Variants in ST6GAL1 observed in about 807,000 individuals in gnomAD.
The protein encoded by ST6GAL1 is beta-galactoside alpha-2,6-sialyltransferase 1.
A neutral mutation model predicts 38.0 loss-of-function variants in ST6GAL1; 20 were observed. That is an observed-to-expected ratio of 0.53 (90% CI 0.37 to 0.77). ST6GAL1 has a LOEUF of 0.77. ST6GAL1 is among the 30% of genes least tolerant of loss of function. The probability of loss-of-function intolerance (pLI) is 0.00; values close to 1 mark genes in which losing one functional copy is unlikely to be tolerated. For missense variants in ST6GAL1, 432 were observed against 496.4 expected, an observed-to-expected ratio of 0.87 and a Z score of 1.23; for synonymous variants, 196 against 188.2, an observed-to-expected ratio of 1.04 and a Z score of -0.34.
intron 5 of ST6GAL1, among the ~76,000 whole-genome samples, chr3:187,061,607 G>A (rs867979707): frequency 9.2e-5 from 14 of 152,054 alleles, no homozygotes; most frequent in African/African-American, 2.2e-4. Context: ...TGTCAGGATC[G>A]TTCAATGAGG....
chr3:186,937,339 A>G (rs1713998162), intron 1 of ST6GAL1, among the ~76,000 whole-genome samples: 2 of 151,998 alleles, frequency 1.3e-5, no homozygotes, highest in African/African-American at 4.8e-5. Flanking sequence ...CTTTCCCACC[A>G]TTGCCTCAGG....
At chr3:187,072,145 C>G (rs1011899955) in intron 5 of ST6GAL1, 1 of 152,474 alleles carries the variant, frequency 6.6e-6, no homozygotes, top group African/African-American at 2.4e-5. Context: ...AGCCCAGGAG[C>G]CAGTGTGGTG....
At chr3:187,002,166 T>C (rs1469627998) in intron 2 of ST6GAL1, among the ~76,000 whole-genome samples, 1 of 152,160 alleles carries the variant, frequency 6.6e-6, no homozygotes, top group Non-Finnish European at 1.5e-5. Flanking sequence ...AACATTTTCG[T>C]GTGTCTGAAG....
intron 2 of ST6GAL1, among the ~76,000 whole-genome samples, chr3:187,019,394 G>T (rs536714362): frequency 6.6e-6 from 1 of 152,304 alleles, no homozygotes; most frequent in Admixed American, 6.5e-5. Flanking sequence ...ATAAACTCAC[G>T]TCTTAACCAT....
chr3:187,074,761 T>A (rs1719505936), intron 7 of ST6GAL1, among the ~76,000 whole-genome samples: 1 of 152,012 alleles, frequency 6.6e-6, no homozygotes, highest in South Asian at 2.1e-4. Flanking sequence ...GGAGCGGGGC[T>A]GCACCTCAGA....
At chr3:187,021,812 GTC>G (rs1717315091) in intron 2 of ST6GAL1, 1 of 151,018 alleles carries the variant, frequency 6.6e-6, no homozygotes, top group Admixed American at 6.6e-5. Flanking sequence ...AAATGCTGAC[GTC>G]AAGGAAGCTT....
intron 5 of ST6GAL1, among the ~76,000 whole-genome samples, chr3:187,066,601 C>CGTGTGTGTGTGTGTGT (rs3055152): frequency 2.0e-5 from 3 of 148,730 alleles, no homozygotes; most frequent in Non-Finnish European, 4.5e-5. Context: ...TGCGTGCGTG[C>CGTGTGTGTGTGTGTGT]GTGTGTGTGT....
chr3:186,960,873 G>A (rs1025035499), intron 1 of ST6GAL1, among the ~76,000 whole-genome samples: 1 of 151,530 alleles, frequency 6.6e-6, no homozygotes, highest in Admixed American at 6.6e-5. Context: ...GGGCCTGCAT[G>A]GTGTCCTGTC....
At chr3:186,995,695 T>C (rs544082505) in intron 2 of ST6GAL1, among the ~76,000 whole-genome samples, 1 of 151,452 alleles carries the variant, frequency 6.6e-6, no homozygotes. Context: ...CATACAAAAA[T>C]TAGCCGGGTA....
Position 187,042,591 on chromosome 3 carries a change from C to A in ST6GAL1, c.-50-63C>A. 4 of 1,440,110 alleles carry A rather than the reference C, an allele frequency of 2.8e-6. No homozygotes were observed. In the South Asian group the frequency reaches 5.6e-5, roughly 20 times the overall value. 89.2% of individuals were successfully genotyped at this position (1,440,110 alleles called of 1,614,324 possible). On this transcript the variant is annotated intron_variant, in intron 3 of 7. Transcript: ENST00000169298. ...AAATCTATTGCTCAGTCCATCGCTC[C>A]GCCTCATGCCACATTGGGTTTTTCT...
intron 4 of ST6GAL1, among the ~76,000 whole-genome samples, chr3:187,048,796 G>A (rs983485401): frequency 2.6e-5 from 4 of 151,372 alleles, no homozygotes; most frequent in Non-Finnish European, 4.4e-5. Context: ...TCTAACCTAA[G>A]CCTTCTGTGC....
At position 187,075,361 on chromosome 3, in the gene ST6GAL1, A is replaced by ACC. The variant is rs1719524425; in HGVS notation, c.980-199_980-198dup. On this transcript the variant is annotated intron_variant, in intron 7 of 7. Transcript: ENST00000169298. The surrounding 1 kb of genome is among the most constrained non-coding windows in gnomAD (Gnocchi z 4.1). The stretch of plus-strand genomic sequence containing the variant: ...GGTGCTGGGGATTCAAAGGTGTATA[A>ACC]CCCTCACACAGCCCTGCATCCTAAG... Among the ~76,000 whole-genome samples, 1 of 152,256 alleles carries ACC rather than the reference A, an allele frequency of 6.6e-6. No individual in the cohort carries two copies. The highest frequency in any genetic ancestry group is 2.4e-5 in the African/African-American group (1 of 41,552).
intron 1 of ST6GAL1, among the ~76,000 whole-genome samples, chr3:186,961,373 T>C (rs954722999): frequency 4.6e-5 from 7 of 152,216 alleles, no homozygotes; most frequent in African/African-American, 1.7e-4. Context: ...AGAGTCTTTT[T>C]TCACAGTTGC....
chr3:187,048,709 T>TAGAGTAGGTGCTC (rs1476650941), intron 4 of ST6GAL1, among the ~76,000 whole-genome samples: 1 of 152,124 alleles, frequency 6.6e-6, no homozygotes, highest in African/African-American at 2.4e-5. Context: ...GTGCCTGGCA[T>TAGAGTAGGTGCTC]AGAGTAGGTG....
chr3:187,033,823 A>G (rs1412989812), intron 2 of ST6GAL1, among the ~76,000 whole-genome samples: 1 of 152,182 alleles, frequency 6.6e-6, no homozygotes, highest in East Asian at 1.9e-4. Context: ...AAAGATCTCA[A>G]ATTAACAACC....
In ST6GAL1 at chr3:186,971,803, C is replaced by T. The variant is rs541406211; in HGVS notation, c.-183+7877C>T. Among the ~76,000 whole-genome samples the T allele has an allele frequency of 2.0e-5, 3 of 152,278 alleles. No homozygotes were observed. In the East Asian group the frequency reaches 5.8e-4, roughly 29 times the overall value. On this transcript the variant is annotated intron_variant, in intron 2 of 7. Transcript: ENST00000169298. The stretch of plus-strand genomic sequence containing the variant: ...CCACCCTGTTCCTCCCTGGTGCCAG[C>T]GTGCCAACATCTCTACTTACTGGCA...
At chr3:187,062,607 A>ACACACACACACACACAC (rs1553835871) in intron 5 of ST6GAL1, among the ~76,000 whole-genome samples, 1 of 74,234 alleles carries the variant, frequency 1.3e-5, no homozygotes, top group Non-Finnish European at 3.7e-5. Context: ...CACACACACA[A>ACACACACACACACACAC]AATACTATAT....
intron 2 of ST6GAL1, among the ~76,000 whole-genome samples, chr3:187,037,983 G>C (rs1269298188): frequency 1.3e-5 from 2 of 151,140 alleles, no homozygotes; most frequent in Admixed American, 1.3e-4. Flanking sequence ...TATTTTTTCA[G>C]TTACAATTAT....
intron 1 of ST6GAL1, among the ~76,000 whole-genome samples, chr3:186,932,674 A>G (rs1713801870): frequency 6.6e-6 from 1 of 152,208 alleles, no homozygotes; most frequent in South Asian, 2.1e-4. Context: ...CATCAGCCCC[A>G]CGGGGAAGAA....
Sources: gnomAD v4.1 joint callset for allele counts (sites outside exome capture counted in the v4.1 genomes callset) on GRCh38, gnomAD v4.1.1 for gene constraint, Gnocchi (gnomAD v3.1) non-coding constraint, MANE v1.5 for transcripts, NCBI Gene and HGNC (gene_info 2026-07-23, HGNC 2026-07-21) for gene names.